Variants in GRID2 observed in about 807,000 individuals in gnomAD.
GRID2 encodes the protein glutamate ionotropic receptor delta type subunit 2, also known as glutamate receptor ionotropic, delta-2.
Under a neutral mutation model 114.8 loss-of-function variants are expected in GRID2, and 33 were observed. The ratio of observed to expected loss-of-function variants is 0.29; its 90% CI spans 0.22 to 0.38. GRID2 has a LOEUF of 0.38. Among genes scored for constraint, GRID2 ranks in the 10% least tolerant of loss-of-function variants. GRID2 has a pLI of 1.00. For missense variants in GRID2, 1,184 were observed against 1,257.7 expected, an observed-to-expected ratio of 0.94 and a Z score of 0.89; for synonymous variants, 505 against 449.9, an observed-to-expected ratio of 1.12 and a Z score of -1.55.
chr4:92,305,672 G>A (rs963089145), intron 1 of GRID2, among the ~76,000 whole-genome samples: 16 of 152,140 alleles, frequency 1.1e-4, no homozygotes, highest in Non-Finnish European at 1.9e-4. Context: ...CAACCAGACG[G>A]GCCGGGACTG....
chr4:93,514,165 C>G (rs1560701130), intron 12 of GRID2, among the ~76,000 whole-genome samples: 4 of 151,962 alleles, frequency 2.6e-5, no homozygotes, highest in Admixed American at 1.3e-4. Flanking sequence ...GAGTTGGGCA[C>G]CTACACAAAT....
chr4:92,370,665 C>T (rs186452391), intron 1 of GRID2, among the ~76,000 whole-genome samples: 108 of 152,212 alleles, frequency 7.1e-4, no homozygotes, highest in African/African-American at 1.4e-3. Flanking sequence ...AAGGATGAGT[C>T]GCACATCTTT....
At chr4:92,614,180 C>T (rs1241205300) in intron 2 of GRID2, among the ~76,000 whole-genome samples, 4 of 151,474 alleles carry the variant, frequency 2.6e-5, no homozygotes, top group Non-Finnish European at 4.4e-5. Flanking sequence ...TTCTTCCTAT[C>T]CTGCCTCCTC....
chr4:92,625,191 T>C (rs1190754534), intron 2 of GRID2, among the ~76,000 whole-genome samples: 1 of 151,826 alleles, frequency 6.6e-6, no homozygotes, highest in Non-Finnish European at 1.5e-5. Context: ...AATGCTTGAC[T>C]ATATTAATTT....
chr4:93,675,089 A>T (rs1724737385), intron 14 of GRID2, among the ~76,000 whole-genome samples: 1 of 152,210 alleles, frequency 6.6e-6, no homozygotes, highest in South Asian at 2.1e-4. Flanking sequence ...AACAAAGTCA[A>T]ATAAATTTAT....
chr4:93,214,043 T>C (rs1743899863), intron 5 of GRID2, among the ~76,000 whole-genome samples: 1 of 152,048 alleles, frequency 6.6e-6, no homozygotes, highest in Admixed American at 6.6e-5. Flanking sequence ...CTTTTATGAA[T>C]ATACTCAATA....
At chr4:93,277,148 C>T (rs1268624039) in intron 8 of GRID2, among the ~76,000 whole-genome samples, 2 of 151,716 alleles carry the variant, frequency 1.3e-5, no homozygotes, top group African/African-American at 4.8e-5. Context: ...GTAGATTTAC[C>T]TGTCCTTTTA....
intron 13 of GRID2, among the ~76,000 whole-genome samples, chr4:93,572,335 G>T (rs1198923674): frequency 1.3e-5 from 2 of 152,114 alleles, no homozygotes; most frequent in Non-Finnish European, 2.9e-5. Context: ...AGTTAGTTTA[G>T]ATGTGTAAGC....
intron 2 of GRID2, among the ~76,000 whole-genome samples, chr4:92,965,341 T>A (rs1224315196): frequency 6.6e-6 from 1 of 150,700 alleles, no homozygotes; most frequent in Non-Finnish European, 1.5e-5. Flanking sequence ...TGAAATATAT[T>A]GAGAATTACC....
intron 4 of GRID2, among the ~76,000 whole-genome samples, chr4:93,154,835 C>G (rs183096697): frequency 6.6e-6 from 1 of 151,940 alleles, no homozygotes; most frequent in Admixed American, 6.6e-5. Context: ...TCTGCCTACT[C>G]GTATTCCTTA....
intron 12 of GRID2, among the ~76,000 whole-genome samples, chr4:93,511,368 T>C (rs1034467843): frequency 3.9e-5 from 6 of 152,216 alleles, no homozygotes; most frequent in African/African-American, 1.2e-4. Context: ...CCTCAGTGTA[T>C]GTACTGTTCA....
intron 1 of GRID2, among the ~76,000 whole-genome samples, chr4:92,428,619 G>GT (rs1252053146): frequency 4.0e-5 from 6 of 151,886 alleles, no homozygotes; most frequent in African/African-American, 1.2e-4. Context: ...TAACTATTAT[G>GT]TTTTTTGCTA....
At chr4:93,436,505 A>G (rs976900092) in intron 10 of GRID2, among the ~76,000 whole-genome samples, 2 of 152,124 alleles carry the variant, frequency 1.3e-5, no homozygotes, top group Non-Finnish European at 2.9e-5. Flanking sequence ...CTCGGGGAGT[A>G]GTGAATCCCA....
intron 8 of GRID2, among the ~76,000 whole-genome samples, chr4:93,257,999 T>TAC (rs3970979): frequency 0.24 from 8,616 of 35,748 alleles, 328 homozygotes; most frequent in Middle Eastern, 0.32. Flanking sequence ...TATATATATA[T>TAC]ACACACACAC....
At chr4:92,970,092 G>T (rs1033636903) in intron 2 of GRID2, among the ~76,000 whole-genome samples, 1 of 151,840 alleles carries the variant, frequency 6.6e-6, no homozygotes, top group Non-Finnish European at 1.5e-5. Flanking sequence ...AATTCTTCTT[G>T]AATGTCTCAG....
At chr4:93,673,257 G>A (rs1020918045) in intron 14 of GRID2, among the ~76,000 whole-genome samples, 1 of 152,064 alleles carries the variant, frequency 6.6e-6, no homozygotes, top group African/African-American at 2.4e-5. Context: ...CCTAAATCAG[G>A]AAGCACTTTA....
intron 2 of GRID2, among the ~76,000 whole-genome samples, chr4:92,911,752 C>T (rs1263702776): frequency 6.6e-6 from 1 of 151,204 alleles, no homozygotes; most frequent in East Asian, 1.9e-4. Flanking sequence ...TAGAGACTTG[C>T]TTTCAAGTAT....
At chr4:93,471,446 A>G (rs1466878436) in intron 11 of GRID2, among the ~76,000 whole-genome samples, 3 of 152,060 alleles carry the variant, frequency 2.0e-5, no homozygotes, top group Admixed American at 1.3e-4. Flanking sequence ...GGCAAATTCT[A>G]TAATAGGTCT....
At chr4:92,770,941 C>A (rs1465493994) in intron 2 of GRID2, among the ~76,000 whole-genome samples, 3 of 152,070 alleles carry the variant, frequency 2.0e-5, no homozygotes, top group Non-Finnish European at 4.4e-5. Context: ...TTATCTATGA[C>A]ACTTATTTTA....
Sources: allele counts gnomAD v4.1 joint callset (sites outside exome capture counted in the v4.1 genomes callset), GRCh38; gene constraint gnomAD v4.1.1; transcripts MANE v1.5; gene names NCBI Gene and HGNC (gene_info 2026-07-23, HGNC 2026-07-21).